ABI3BP: variants seen among roughly 807,000 people sequenced by gnomAD.
The protein encoded by ABI3BP is ABI family member 3 binding protein.
A neutral mutation model predicts 268.6 loss-of-function variants in ABI3BP; 216 were observed. The ratio of observed to expected loss-of-function variants is 0.80; its 90% CI spans 0.72 to 0.90. The LOEUF is 0.90. ABI3BP is among the 40% of genes least tolerant of loss of function. ABI3BP has a pLI of 0.00. For synonymous variants in ABI3BP, 730 were observed against 730.0 expected, an observed-to-expected ratio of 1.00 and a Z score of 0.00; for missense variants, 2,090 against 2,182.4, an observed-to-expected ratio of 0.96 and a Z score of 0.84.
chr3:100,851,021 T>C (rs903850220), intron 15 of ABI3BP, among the ~76,000 whole-genome samples: 1 of 152,258 alleles, frequency 6.6e-6, no homozygotes, highest in Non-Finnish European at 1.5e-5. Flanking sequence ...TCATAATTGC[T>C]AACTGAACTC....
intron 1 of ABI3BP, among the ~76,000 whole-genome samples, chr3:100,934,570 A>T (rs1169531066): frequency 1.3e-5 from 2 of 152,178 alleles, no homozygotes; most frequent in African/African-American, 4.8e-5. Context: ...TGTCTTCCAC[A>T]ATGGTTGGAC....
chr3:100,835,298 T>A (rs183923743), intron 28 of ABI3BP, among the ~76,000 whole-genome samples: 3 of 152,292 alleles, frequency 2.0e-5, no homozygotes, highest in Non-Finnish European at 4.4e-5. Flanking sequence ...CTAATTGTAT[T>A]TGAAATTCAG....
chr3:100,903,647 G>T (rs1410796993), intron 2 of ABI3BP, among the ~76,000 whole-genome samples: 1 of 152,126 alleles, frequency 6.6e-6, no homozygotes. Context: ...TTTTCATTCT[G>T]GGTTCAAATG....
chr3:100,872,793 G>T (rs1230445610), intron 9 of ABI3BP, among the ~76,000 whole-genome samples: 1 of 152,060 alleles, frequency 6.6e-6, no homozygotes, highest in African/African-American at 2.4e-5. Flanking sequence ...ATAGTTAAAG[G>T]GAGGTGACCA....
chr3:100,818,349 T>C (rs2098117994), intron 41 of ABI3BP, among the ~76,000 whole-genome samples, 176 bp downstream of exon 41: 1 of 152,212 alleles, frequency 6.6e-6, no homozygotes, highest in African/African-American at 2.4e-5. Context: ...TCATGCACAG[T>C]TCTCTCAAAT....
At chr3:100,889,370 T>A (rs1341477950) in intron 4 of ABI3BP, among the ~76,000 whole-genome samples, 2 of 152,098 alleles carry the variant, frequency 1.3e-5, no homozygotes, top group African/African-American at 4.8e-5. Flanking sequence ...CTCTTTCAAC[T>A]GTGGTGCTAG....
chr3:100,907,840 G>A (rs1267384236), intron 2 of ABI3BP, among the ~76,000 whole-genome samples: 1 of 152,164 alleles, frequency 6.6e-6, no homozygotes, highest in Non-Finnish European at 1.5e-5. Flanking sequence ...AAAAGGCCGG[G>A]AGTGGTAGCT....
chr3:100,797,568 T>TG (rs1560189446), intron 51 of ABI3BP, among the ~76,000 whole-genome samples: 1 of 140,896 alleles, frequency 7.1e-6, no homozygotes, highest in Admixed American at 6.9e-5. Flanking sequence ...AACTGTTTTT[T>TG]TTTTTTTTTT....
At position 100,754,825 on chromosome 3, in the gene ABI3BP, A is replaced by G. The variant is rs2095530515; in HGVS notation, c.4851-134T>C. 6.8e-6 allele frequency: 5 copies of G among 740,042 alleles called. No individual in the cohort carries two copies. In the East Asian group the frequency reaches 1.4e-4, roughly 20 times the overall value. 45.8% of individuals were successfully genotyped at this position (740,042 alleles called of 1,614,324 possible). A position where few individuals can be genotyped will look rare whatever the true frequency, so the allele number is the denominator to read the frequency against. On this transcript the variant is annotated intron_variant, in intron 63 of 67. Transcript: ENST00000471714. ...GACAGTGAATGGTAACATATGTTCCAGAAGCAGGTTGAGGAAAGAAAAATG... is the reference window on the plus strand; with the variant it reads ...GACAGTGAATGGTAACATATGTTCCGGAAGCAGGTTGAGGAAAGAAAAATG...
At chr3:100,908,658 T>C in intron 2 of ABI3BP, among the ~76,000 whole-genome samples, 1 of 151,372 alleles carries the variant, frequency 6.6e-6, no homozygotes, top group East Asian at 2.0e-4. Flanking sequence ...CCATTCACAA[T>C]TGCTACAAAG....
At chr3:100,796,071 C>A (rs1380243404) in intron 52 of ABI3BP, among the ~76,000 whole-genome samples, 2 of 152,012 alleles carry the variant, frequency 1.3e-5, no homozygotes, top group Non-Finnish European at 2.9e-5. Context: ...GGGAAAATTT[C>A]GAGTAGGCAC....
At chr3:100,986,192 C>T (rs530301170) in intron 1 of ABI3BP, among the ~76,000 whole-genome samples, 1 of 152,278 alleles carries the variant, frequency 6.6e-6, no homozygotes, top group African/African-American at 2.4e-5. Flanking sequence ...AGGCCAATAG[C>T]CAGTGAGAAA....
chr3:100,894,580 C>T (rs918587404), intron 4 of ABI3BP, among the ~76,000 whole-genome samples: 9 of 151,762 alleles, frequency 5.9e-5, no homozygotes, highest in African/African-American at 1.7e-4. Context: ...AACTTGGGGG[C>T]GGAAAAAAGG....
chr3:100,891,829 G>T (rs769033985), intron 4 of ABI3BP, among the ~76,000 whole-genome samples: 1 of 152,194 alleles, frequency 6.6e-6, no homozygotes, highest in Non-Finnish European at 1.5e-5. Context: ...GAAGCAAGTG[G>T]TATTCTGCAG....
intron 1 of ABI3BP, among the ~76,000 whole-genome samples, chr3:100,946,229 A>G (rs181987983): frequency 5.7e-4 from 87 of 151,730 alleles, no homozygotes; most frequent in Non-Finnish European, 6.6e-4. Flanking sequence ...AAATTAGTCA[A>G]GCATAGTGAC....
chr3:100,942,804 A>C (rs765761539), intron 1 of ABI3BP, among the ~76,000 whole-genome samples: 3 of 152,112 alleles, frequency 2.0e-5, no homozygotes, highest in Non-Finnish European at 4.4e-5. Flanking sequence ...AGCTGTATGG[A>C]TATTCTGGTG....
chr3:100,984,732 A>G (rs1186111271), intron 1 of ABI3BP, among the ~76,000 whole-genome samples: 6 of 152,174 alleles, frequency 3.9e-5, no homozygotes, highest in Non-Finnish European at 8.8e-5. Context: ...ATAAGTACTG[A>G]TTTAGTCTTG....
At chr3:100,950,876 A>G (rs909536813) in intron 1 of ABI3BP, among the ~76,000 whole-genome samples, 5 of 151,776 alleles carry the variant, frequency 3.3e-5, no homozygotes, top group Non-Finnish European at 7.4e-5. Context: ...CAGTAATGGG[A>G]CAACCTGTTT....
At chr3:100,795,043 T>A in intron 53 of ABI3BP, 40 bp from the exon 54 acceptor site, 1 of 1,292,038 alleles carries the variant, frequency 7.7e-7, no homozygotes, top group Non-Finnish European at 1.0e-6. Context: ...ATTTTTAGAT[T>A]CAAAGCCAGC....
Sources: allele counts gnomAD v4.1 joint callset (sites outside exome capture counted in the v4.1 genomes callset), GRCh38; gene constraint gnomAD v4.1.1; transcripts MANE v1.5; gene names NCBI Gene and HGNC (gene_info 2026-07-23, HGNC 2026-07-21).